Variants in TMEFF2 observed in about 807,000 individuals in gnomAD.
TMEFF2 encodes transmembrane protein with EGF like and two follistatin like domains 2.
In TMEFF2, 28 loss-of-function variants were observed where a neutral mutation model predicts 53.8. The ratio of observed to expected loss-of-function variants is 0.52; its 90% CI spans 0.39 to 0.71. TMEFF2 has a LOEUF of 0.71. Ranked by LOEUF, TMEFF2 falls within the 30% of genes least tolerant of loss-of-function variation. TMEFF2 has a pLI of 0.00. For synonymous variants in TMEFF2, 162 were observed against 166.3 expected, an observed-to-expected ratio of 0.97 and a Z score of 0.20; for missense variants, 353 against 455.2, an observed-to-expected ratio of 0.78 and a Z score of 2.04.
At chr2:192,130,758 A>C (rs1177523370) in intron 4 of TMEFF2, among the ~76,000 whole-genome samples, 1 of 151,944 alleles carries the variant, frequency 6.6e-6, no homozygotes, top group African/African-American at 2.4e-5. Context: ...CAGGTGAAAT[A>C]AACAGCCATG....
chr2:191,996,842 TA>T (rs1392164841), intron 7 of TMEFF2, among the ~76,000 whole-genome samples: 3 of 151,866 alleles, frequency 2.0e-5, no homozygotes, highest in Admixed American at 6.6e-5. Context: ...GGAAAAAGGA[TA>T]GGGGTGAGGA....
intron 5 of TMEFF2, among the ~76,000 whole-genome samples, chr2:192,020,516 T>C (rs1260717757): frequency 6.6e-6 from 1 of 152,130 alleles, no homozygotes; most frequent in African/African-American, 2.4e-5. Flanking sequence ...CCAGATATTT[T>C]CAACTATATT....
At chr2:192,119,607 T>C (rs1284326696) in intron 4 of TMEFF2, among the ~76,000 whole-genome samples, 2 of 152,200 alleles carry the variant, frequency 1.3e-5, no homozygotes, top group African/African-American at 2.4e-5. Context: ...CATTTTAAAA[T>C]AGAAAAATTT....
intron 7 of TMEFF2, chr2:191,992,665 CTGTT>C (rs1307861736): frequency 2.6e-5 from 4 of 151,788 alleles, no homozygotes; most frequent in Admixed American, 1.3e-4. Flanking sequence ...TTTTTACTTT[CTGTT>C]TATTTTTATT....
intron 7 of TMEFF2, among the ~76,000 whole-genome samples, chr2:191,974,341 T>A (rs182834221): frequency 6.6e-6 from 1 of 152,274 alleles, no homozygotes. Context: ...GGTACAGTCA[T>A]AACTATAGGT....
chr2:192,073,861 T>A (rs1007560490), intron 4 of TMEFF2, among the ~76,000 whole-genome samples: 1 of 152,034 alleles, frequency 6.6e-6, no homozygotes. Flanking sequence ...TTTGTCAGAA[T>A]GAATTTAAGT....
At chr2:192,045,191 GC>G (rs1687585681) in intron 5 of TMEFF2, among the ~76,000 whole-genome samples, 1 of 152,206 alleles carries the variant, frequency 6.6e-6, no homozygotes, top group Non-Finnish European at 1.5e-5. Flanking sequence ...CTGCAGAACT[GC>G]AGACCTTCTC....
At chr2:192,058,402 T>G (rs1037753368) in intron 4 of TMEFF2, among the ~76,000 whole-genome samples, 1 of 152,156 alleles carries the variant, frequency 6.6e-6, no homozygotes, top group Non-Finnish European at 1.5e-5. Context: ...GATTCATTGT[T>G]AGAGGGTTAT....
chr2:191,977,608 A>C (rs1293075920), intron 7 of TMEFF2, among the ~76,000 whole-genome samples: 1 of 151,164 alleles, frequency 6.6e-6, no homozygotes, highest in Non-Finnish European at 1.5e-5. Context: ...CCTTCCATGA[A>C]ATCTTAGAAA....
At chr2:192,099,884 G>A (rs142935360) in intron 4 of TMEFF2, among the ~76,000 whole-genome samples, 3 of 151,078 alleles carry the variant, frequency 2.0e-5, no homozygotes, top group Non-Finnish European at 2.9e-5. Flanking sequence ...AATATAGACA[G>A]CTTTTGGTTT....
intron 4 of TMEFF2, among the ~76,000 whole-genome samples, chr2:192,109,570 T>C (rs1689228004): frequency 6.6e-6 from 1 of 152,072 alleles, no homozygotes; most frequent in Admixed American, 6.6e-5. Context: ...ATAGATAAGA[T>C]AAAAATAAGT....
rs766742919 is a variant in TMEFF2 at position 191,949,814 on chromosome 2, T to C, written c.*497A>G. On this transcript the variant is annotated 3_prime_UTR_variant, in exon 10 of 10. Coordinates refer to ENST00000272771, the MANE Select transcript of TMEFF2 (RefSeq NM_016192.4). ...TCGGAAATATTTTATCCTCACTCGA[T>C]ATAAAGTAAATTATTTTTTCTCTTT... The C allele has an allele frequency of 7.0e-5, 69 of 985,554 alleles. No individual in the cohort carries two copies. Among genetic ancestry groups the C allele is most frequent in the Non-Finnish European group, 8.1e-5 (67 of 829,982 alleles). 61.1% of individuals were successfully genotyped at this position (985,554 alleles called of 1,614,324 possible). A position where few individuals can be genotyped will look rare whatever the true frequency, so the allele number is the denominator to read the frequency against.
At chr2:192,106,306 CTATG>C (rs1382977930) in intron 4 of TMEFF2, among the ~76,000 whole-genome samples, 1 of 151,532 alleles carries the variant, frequency 6.6e-6, no homozygotes, top group African/African-American at 2.4e-5. Context: ...AATACATAAA[CTATG>C]TACTACTTTG....
At chr2:192,024,166 T>C (rs1322098047) in intron 5 of TMEFF2, among the ~76,000 whole-genome samples, 6 of 152,206 alleles carry the variant, frequency 3.9e-5, no homozygotes, top group Non-Finnish European at 8.8e-5. Context: ...TGATTTATCA[T>C]AAATACTAAA....
intron 7 of TMEFF2, among the ~76,000 whole-genome samples, chr2:191,957,832 G>C (rs1355245178): frequency 6.6e-6 from 1 of 152,158 alleles, no homozygotes; most frequent in Non-Finnish European, 1.5e-5. Context: ...AGGATGGTTG[G>C]TGATTTTTTT....
At chr2:192,152,616 C>G (rs1310269466) in intron 4 of TMEFF2, among the ~76,000 whole-genome samples, 2 of 151,826 alleles carry the variant, frequency 1.3e-5, no homozygotes, top group Admixed American at 1.3e-4. Context: ...TACCCGCACA[C>G]AGCAGATAGT....
At chr2:192,007,795 T>C (rs1686534915) in intron 5 of TMEFF2, among the ~76,000 whole-genome samples, 1 of 152,034 alleles carries the variant, frequency 6.6e-6, no homozygotes, top group African/African-American at 2.4e-5. Flanking sequence ...CTGTTAGGTA[T>C]AGAGACAAGG....
Position 192,105,376 on chromosome 2 carries a change from A to ATCTGCT in TMEFF2, c.440-47602_440-47601insAGCAGA, listed in dbSNP as rs1304540835. On this transcript the variant is annotated intron_variant, in intron 4 of 9. Transcript: ENST00000272771. ...TGTATTTTAAGCAGATATTTTTGAA[A>ATCTGCT]TATTATAGGTAAAATTAATAACAGC... Among the ~76,000 whole-genome samples the ATCTGCT allele has an allele frequency of 1.4e-3, 211 of 152,110 alleles. 1 individual carries two copies. Among genetic ancestry groups the ATCTGCT allele is most frequent in the African/African-American group, 5.0e-3 (206 of 41,556 alleles).
intron 7 of TMEFF2, among the ~76,000 whole-genome samples, chr2:191,966,486 A>G (rs1574251257): frequency 6.6e-6 from 1 of 152,196 alleles, no homozygotes; most frequent in Non-Finnish European, 1.5e-5. Flanking sequence ...ATTTGTATGC[A>G]TGTCATACCT....
Sources: gnomAD v4.1 joint callset for allele counts (sites outside exome capture counted in the v4.1 genomes callset) on GRCh38, gnomAD v4.1.1 for gene constraint, MANE v1.5 for transcripts, NCBI Gene and HGNC (gene_info 2026-07-23, HGNC 2026-07-21) for gene names.